The following EGFR variants were observed in gnomAD, a reference collection of about 807,000 sequenced individuals.
The protein encoded by EGFR is epidermal growth factor receptor.
EGFR carries 58 observed loss-of-function variants against 143.0 expected under a neutral mutation model. The ratio of observed to expected loss-of-function variants is 0.41; its 90% confidence interval spans 0.33 to 0.50. The LOEUF (loss-of-function observed/expected upper bound fraction) is 0.50. Ranked by LOEUF, EGFR falls within the 20% of genes least tolerant of loss-of-function variation. The pLI, the probability that EGFR is intolerant of heterozygous loss-of-function variation, is 0.39. For missense variants in EGFR, 1,307 were observed against 1,579.0 expected (o/e 0.83, Z 2.92); for synonymous variants, 613 against 594.4 (o/e 1.03, Z -0.45).
At chr7:55,084,256 A>AG (rs111272828) in intron 1 of EGFR, among the ~76,000 whole-genome samples, 1,874 of 152,290 alleles carry the variant, frequency 0.012, 21 homozygotes, top group Middle Eastern at 0.034. Context: ...CAGGCTCATA[A>AG]GGGTTCTTGG....
At chr7:55,179,772 C>G (rs573439749) in intron 19 of EGFR, 2 of 152,276 alleles carry the variant, frequency 1.3e-5, no homozygotes, top group African/African-American at 4.8e-5. Context: ...TGAACATATA[C>G]GGACTTTTTT....
In EGFR at chr7:55,209,162, A is replaced by G. The variant is rs1023402037; in HGVS notation, c.*3545A>G. 6.6e-6 allele frequency: 1 copy of G among 151,766 alleles called. No individual in the cohort carries two copies. Among genetic ancestry groups the G allele is most frequent in the Non-Finnish European group, 1.5e-5 (1 of 67,966 alleles). The allele number at this position is 151,766 out of a possible 1,614,324, so 9.4% of individuals were successfully genotyped here. On this transcript the variant is annotated 3_prime_UTR_variant, in exon 28 of 28. Coordinates refer to ENST00000275493, the MANE Select transcript of EGFR (RefSeq NM_005228.5). ...GTCTCTGCAGACCAATTCAACCCAA[A>G]TCTCGGGGGCTCTTTCATGATTCTA...
intron 1 of EGFR, among the ~76,000 whole-genome samples, chr7:55,054,814 A>G (rs1359514778): frequency 6.6e-6 from 1 of 152,098 alleles, no homozygotes; most frequent in Non-Finnish European, 1.5e-5. Context: ...GGTCTCAACC[A>G]TCTCCCTCAG....
chr7:55,118,756 G>A (rs1313453297), intron 1 of EGFR, among the ~76,000 whole-genome samples: 1 of 152,032 alleles, frequency 6.6e-6, no homozygotes, highest in Non-Finnish European at 1.5e-5. Context: ...TCCCAGGGCG[G>A]GCGGGAACCA....
At chr7:55,103,572 A>G (rs534591475) in intron 1 of EGFR, among the ~76,000 whole-genome samples, 9 of 152,346 alleles carry the variant, frequency 5.9e-5, no homozygotes, top group Admixed American at 5.2e-4. Context: ...AAGCTGGTCT[A>G]GAAGGAGCTA....
chr7:55,144,695 T>A (rs980232789), intron 3 of EGFR, among the ~76,000 whole-genome samples: 3 of 152,074 alleles, frequency 2.0e-5, no homozygotes, highest in Admixed American at 2.0e-4. Context: ...TCCTGTGAGA[T>A]GGCCTGGTAC....
chr7:55,165,587 G>A (rs1785937134), intron 15 of EGFR, 150 bp downstream of exon 15: 1 of 1,092,560 alleles, frequency 9.2e-7, no homozygotes. Context: ...CATGCCAGTA[G>A]CAACTTGCTT....
At chr7:55,025,371 A>G (rs1487582674) in intron 1 of EGFR, among the ~76,000 whole-genome samples, 1 of 152,196 alleles carries the variant, frequency 6.6e-6, no homozygotes, top group African/African-American at 2.4e-5. Context: ...ATGTAGCAGC[A>G]TAAGAAAGAA....
chr7:55,191,391 G>A (rs970452824), intron 20 of EGFR, among the ~76,000 whole-genome samples: 2 of 151,634 alleles, frequency 1.3e-5, no homozygotes, highest in Non-Finnish European at 2.9e-5. Context: ...TAAACCACAT[G>A]CAGGAAGGTC....
chr7:55,152,508 C>T (rs971365814), intron 5 of EGFR, 38 bp from the exon 6 acceptor site: 2 of 1,567,696 alleles, frequency 1.3e-6, no homozygotes, highest in Middle Eastern at 1.7e-4. Flanking sequence ...ATCCTACCCT[C>T]ACTCTTCAGC....
intron 22 of EGFR, among the ~76,000 whole-genome samples, chr7:55,195,505 T>C (rs1276168676): frequency 6.6e-6 from 1 of 152,242 alleles, no homozygotes; most frequent in Non-Finnish European, 1.5e-5. Flanking sequence ...TTTTAGATTT[T>C]AGTACCTGAC....
At chr7:55,145,456 C>T (rs149924487) in intron 3 of EGFR, among the ~76,000 whole-genome samples, 1 of 152,216 alleles carries the variant, frequency 6.6e-6, no homozygotes, top group Non-Finnish European at 1.5e-5. Context: ...ACTGAAGAAG[C>T]CTGTTCCACT....
At chr7:55,124,574 G>A (rs1193866546) in intron 1 of EGFR, among the ~76,000 whole-genome samples, 2 of 152,082 alleles carry the variant, frequency 1.3e-5, no homozygotes, top group Non-Finnish European at 2.9e-5. Context: ...AGTTTAGATG[G>A]GGCATAACTG....
At chr7:55,138,247 T>C (rs1485819123) in intron 1 of EGFR, among the ~76,000 whole-genome samples, 1 of 152,222 alleles carries the variant, frequency 6.6e-6, no homozygotes, top group Non-Finnish European at 1.5e-5. Flanking sequence ...AAGTCCTAAG[T>C]CATAGGGCCT....
chr7:55,196,039 C>A (rs1015822919), intron 22 of EGFR, among the ~76,000 whole-genome samples: 6 of 152,034 alleles, frequency 3.9e-5, no homozygotes, highest in African/African-American at 1.5e-4. Flanking sequence ...AATGGGATTG[C>A]CGGGTCAAAT....
Position 55,025,954 on chromosome 7 carries a change from G to A in EGFR, c.88+6589G>A, listed in dbSNP as rs756217177. On this transcript the variant is annotated intron_variant, in intron 1 of 27. Coordinates refer to ENST00000275493, the MANE Select transcript of EGFR (RefSeq NM_005228.5). ...CACATCACATTACTTGGTTTTGTAC[G>A]CTAGTGGCTGAACCAAAAAAAGTAG... Among the ~76,000 whole-genome samples the A allele has an allele frequency of 5.9e-5, 9 of 152,240 alleles. No homozygotes were observed. The South Asian group carries it at 6.2e-4, about 11-fold the overall frequency.
At chr7:55,098,404 G>A (rs548884145) in intron 1 of EGFR, among the ~76,000 whole-genome samples, 27 of 152,134 alleles carry the variant, frequency 1.8e-4, no homozygotes, top group African/African-American at 5.5e-4. Flanking sequence ...AGACGTGATG[G>A]CAACTCCATA....
intron 20 of EGFR, 178 bp downstream of exon 20, chr7:55,181,656 G>A: frequency 1.3e-6 from 1 of 744,488 alleles, no homozygotes. Flanking sequence ...ACAAATCAGT[G>A]CCTGTCCCAT....
chr7:55,133,385 C>G (rs971751365), intron 1 of EGFR, among the ~76,000 whole-genome samples: 4 of 152,182 alleles, frequency 2.6e-5, no homozygotes, highest in Non-Finnish European at 5.9e-5. Context: ...TTTCTACTGC[C>G]TGGTGCTCAC....
Sources: allele counts gnomAD v4.1 joint callset (sites outside exome capture counted in the v4.1 genomes callset), GRCh38; gene constraint gnomAD v4.1.1; transcripts MANE v1.5; gene names NCBI Gene and HGNC (gene_info 2026-07-23, HGNC 2026-07-21).